The following APLF variants were observed in gnomAD, a reference collection of about 807,000 sequenced individuals.
APLF encodes the protein aprataxin and PNK-like factor.
APLF carries 61 observed loss-of-function variants against 55.6 expected under a neutral mutation model. That is an observed-to-expected ratio of 1.10 (90% CI 0.89 to 1.36). APLF has a LOEUF of 1.36. Among genes scored for constraint, APLF ranks in the 40% most tolerant of loss-of-function variants. The pLI is 0.00. For missense variants in APLF, 611 were observed against 602.5 expected (o/e 1.01, Z -0.15); for synonymous variants, 207 against 214.8 (o/e 0.96, Z 0.32).
intron 1 of APLF, among the ~76,000 whole-genome samples, chr2:68,470,145 A>T (rs1675572977): frequency 6.6e-6 from 1 of 152,220 alleles, no homozygotes. Context: ...GATTGGCATC[A>T]GTTAGAAGGT....
intron 7 of APLF, 109 bp downstream of exon 7, chr2:68,538,336 G>T (rs1349501539): frequency 5.4e-6 from 5 of 934,578 alleles, no homozygotes; most frequent in Non-Finnish European, 7.7e-6. Context: ...TGGCCTAAAG[G>T]TTAGGGGCTT....
intron 5 of APLF, among the ~76,000 whole-genome samples, chr2:68,524,446 G>T (rs71413137): frequency 0.083 from 12,651 of 152,106 alleles, 572 homozygotes; most frequent in Middle Eastern, 0.12. Context: ...CCCACTGCCT[G>T]GTTTTGTAAA....
chr2:68,556,176 A>G (rs1671002543), intron 8 of APLF, among the ~76,000 whole-genome samples: 1 of 152,166 alleles, frequency 6.6e-6, no homozygotes, highest in Non-Finnish European at 1.5e-5. Context: ...AGAAAGAAAG[A>G]TACAATGGGC....
In APLF at chr2:68,577,912, T is replaced by C. The variant is rs755825489; in HGVS notation, c.1426T>C (p.Tyr476His). ...CTTTCTAGATGATGAGGAAGAAGAC[T>C]ATGAGCCAACAGATGAAGATTCTGA... ...DSFLDDEEED[Y>H]EPTDEDSDWE... is the part of the protein sequence containing the mutation. The change falls in exon 10 of 10, where the codon TAT (tyrosine) becomes CAT (histidine). Residue 476 changes from tyrosine (Y) to histidine (H), a missense_variant. Transcript: ENST00000303795. The C allele has an allele frequency of 1.2e-6, 2 of 1,613,376 alleles. No individual in the cohort carries two copies. The highest frequency in any genetic ancestry group is 2.7e-5 in the African/African-American group (2 of 74,804).
intron 3 of APLF, among the ~76,000 whole-genome samples, chr2:68,503,567 C>G (rs1394702243): frequency 6.6e-6 from 1 of 152,074 alleles, no homozygotes; most frequent in Non-Finnish European, 1.5e-5. Context: ...AATAGCTACA[C>G]AAATATACAA....
chr2:68,510,066 T>G (rs1573193934), intron 3 of APLF, among the ~76,000 whole-genome samples: 1 of 67,862 alleles, frequency 1.5e-5, no homozygotes. Context: ...CAGGGCCTGT[T>G]GTGGAGTGGG....
At chr2:68,563,686 G>A (rs1238403827) in intron 8 of APLF, among the ~76,000 whole-genome samples, 5 of 151,926 alleles carry the variant, frequency 3.3e-5, no homozygotes, top group Admixed American at 2.0e-4. Context: ...TATTTAAAAA[G>A]CCTGACATTT....
At chr2:68,486,193 A>G (rs1371487175) in intron 1 of APLF, among the ~76,000 whole-genome samples, 2 of 152,090 alleles carry the variant, frequency 1.3e-5, no homozygotes, top group African/African-American at 4.8e-5. Context: ...TCCTAGGTCC[A>G]CATTATACTT....
Position 68,529,323 on chromosome 2 carries a change from C to G in APLF, c.804+3081C>G, listed in dbSNP as rs1670175885. The stretch of plus-strand genomic sequence containing the variant: ...AGGAGTGGGAAACAGCCAAAGAGTC[C>G]TGGGGCAGGCACAGGTGCAGGAGCC... On this transcript the variant is annotated intron_variant, in intron 6 of 9. Coordinates refer to ENST00000303795, the MANE Select transcript of APLF (RefSeq NM_173545.3). This position sits in a 1 kb window ranked among gnomAD's most constrained non-coding sequence, Gnocchi z 4.4. The G allele has an allele frequency of 7.4e-7, 1 of 1,359,664 alleles. No homozygotes were observed. The highest frequency in any genetic ancestry group is 2.7e-5 in the East Asian group (1 of 36,572). The allele number at this position is 1,359,664 out of a possible 1,614,324, so 84.2% of individuals were successfully genotyped here. A position where few individuals can be genotyped will look rare whatever the true frequency, so the allele number is the denominator to read the frequency against.
intron 1 of APLF, among the ~76,000 whole-genome samples, chr2:68,475,359 A>G (rs1345015126): frequency 6.6e-6 from 1 of 152,230 alleles, no homozygotes; most frequent in Non-Finnish European, 1.5e-5. Flanking sequence ...TTGGCTAACA[A>G]TTCACCAGCC....
chr2:68,513,326 C>G (rs1236849280), intron 4 of APLF, 99 bp downstream of exon 4: 10 of 1,373,606 alleles, frequency 7.3e-6, no homozygotes, highest in Non-Finnish European at 9.8e-6. Flanking sequence ...ACAATATTGC[C>G]AGCATTTATC....
chr2:68,471,278 T>TAAG (rs112862367), intron 1 of APLF, among the ~76,000 whole-genome samples: 23,617 of 152,100 alleles, frequency 0.16, 4,084 homozygotes, highest in African/African-American at 0.43. Context: ...TGCTAAATCT[T>TAAG]GAGTAGCATT....
intron 5 of APLF, among the ~76,000 whole-genome samples, chr2:68,523,366 T>G (rs1044054949): frequency 6.6e-6 from 1 of 151,962 alleles, no homozygotes; most frequent in African/African-American, 2.4e-5. Context: ...AGTATAGCCT[T>G]TCAAAGTCAC....
chr2:68,521,076 T>C (rs1188129438), intron 5 of APLF, among the ~76,000 whole-genome samples: 1 of 151,730 alleles, frequency 6.6e-6, no homozygotes, highest in African/African-American at 2.4e-5. Flanking sequence ...TGTTTTTGTT[T>C]TGTTTGTTTG....
At chr2:68,572,583 C>T (rs1317612383) in intron 9 of APLF, among the ~76,000 whole-genome samples, 1 of 152,196 alleles carries the variant, frequency 6.6e-6, no homozygotes, top group Non-Finnish European at 1.5e-5. Flanking sequence ...TGCCTATAAT[C>T]CCAGCACTCT....
chr2:68,483,526 G>A (rs1676029978), intron 1 of APLF, among the ~76,000 whole-genome samples: 1 of 152,080 alleles, frequency 6.6e-6, no homozygotes, highest in Admixed American at 6.5e-5. Context: ...TTCTGTGTTT[G>A]GGTCCCTTTT....
rs368499023 is a variant in APLF, at chr2:68,513,630, T to C, written c.572T>C (p.Leu191Ser). The C allele has an allele frequency of 1.9e-6, 3 of 1,611,396 alleles. No individual in the cohort carries two copies. The African/African-American group carries it at 4.0e-5, about 22-fold the overall frequency. The change falls in exon 5 of 10, where the codon TTA becomes TCA. Residue 191 changes from leucine to serine, a missense_variant. Leu to Ser is a moderately radical substitution (Grantham distance 145). Transcript: ENST00000303795. ...ERKRILPTWM[L>S]AEHLSDQNLS... ...AAAAGAATCCTTCCAACTTGGATGT[T>C]AGCAGAACATTTAAGTGATCAAAAC...
chr2:68,474,754 T>C (rs111246404), intron 1 of APLF, among the ~76,000 whole-genome samples: 19,616 of 152,122 alleles, frequency 0.13, 3,804 homozygotes, highest in African/African-American at 0.42. Context: ...CCACAACCTC[T>C]GCCTTCTGGG....
intron 1 of APLF, among the ~76,000 whole-genome samples, chr2:68,474,326 T>C (rs1435833678): frequency 1.3e-5 from 2 of 152,238 alleles, no homozygotes; most frequent in Non-Finnish European, 2.9e-5. Flanking sequence ...CTCGTCTCCC[T>C]AGAGGAGGCT....
Sources: allele counts gnomAD v4.1 joint callset (sites outside exome capture counted in the v4.1 genomes callset), GRCh38; gene constraint gnomAD v4.1.1; non-coding constraint Gnocchi (gnomAD v3.1); transcripts MANE v1.5; gene names NCBI Gene and HGNC (gene_info 2026-07-23, HGNC 2026-07-21).